Variants in NLGN1 observed in about 807,000 individuals in gnomAD.
NLGN1 encodes the protein neuroligin-1.
A neutral mutation model predicts 65.5 loss-of-function variants in NLGN1; 12 were observed. The ratio of observed to expected loss-of-function variants is 0.18; its 90% CI spans 0.12 to 0.30. The LOEUF (loss-of-function observed/expected upper bound fraction) is 0.30, where lower values mean the gene tolerates loss of function less well. NLGN1 is among the 10% of genes least tolerant of loss of function. The probability of loss-of-function intolerance (pLI) is 1.00; values close to 1 mark genes in which losing one functional copy is unlikely to be tolerated. For missense variants in NLGN1, 750 were observed against 1,007.1 expected, an observed-to-expected ratio of 0.74 and a Z score of 3.46; for synonymous variants, 350 against 359.5, an observed-to-expected ratio of 0.97 and a Z score of 0.30.
chr3:174,216,353 G>A (rs960433972), intron 4 of NLGN1, among the ~76,000 whole-genome samples: 6 of 152,086 alleles, frequency 3.9e-5, no homozygotes, highest in Admixed American at 1.3e-4. Context: ...ACAACATATG[G>A]TGACTTCTTG....
At chr3:173,939,666 C>G (rs552413336) in intron 4 of NLGN1, among the ~76,000 whole-genome samples, 1 of 152,028 alleles carries the variant, frequency 6.6e-6, no homozygotes, top group Non-Finnish European at 1.5e-5. Flanking sequence ...TCTTGTCTCA[C>G]TATAATAATA....
intron 4 of NLGN1, among the ~76,000 whole-genome samples, chr3:174,066,223 A>C (rs1738514445): frequency 6.6e-6 from 1 of 152,090 alleles, no homozygotes; most frequent in Non-Finnish European, 1.5e-5. Context: ...TTTCAGAGGA[A>C]GTTTATTTTC....
intron 4 of NLGN1, among the ~76,000 whole-genome samples, chr3:173,977,254 T>C (rs1306631730): frequency 2.0e-5 from 3 of 152,002 alleles, no homozygotes; most frequent in South Asian, 2.1e-4. Flanking sequence ...AAAATAACTT[T>C]CAGTTGAAAT....
intron 4 of NLGN1, among the ~76,000 whole-genome samples, chr3:174,163,992 T>C (rs1727049497): frequency 6.6e-6 from 1 of 152,016 alleles, no homozygotes; most frequent in South Asian, 2.1e-4. Flanking sequence ...TGTTTTAAGT[T>C]CTTTAGAAAT....
intron 3 of NLGN1, among the ~76,000 whole-genome samples, chr3:173,730,131 G>A (rs1376635045): frequency 5.3e-5 from 8 of 151,010 alleles, no homozygotes; most frequent in African/African-American, 1.9e-4. Flanking sequence ...GTGCATATAT[G>A]CTTATATATT....
At chr3:173,815,451 A>G (rs1179406700) in intron 4 of NLGN1, among the ~76,000 whole-genome samples, 1 of 151,834 alleles carries the variant, frequency 6.6e-6, no homozygotes, top group Non-Finnish European at 1.5e-5. Context: ...AAGATTCCCA[A>G]AGACCTCTAG....
At chr3:174,065,828 G>A (rs1362370039) in intron 4 of NLGN1, among the ~76,000 whole-genome samples, 1 of 152,024 alleles carries the variant, frequency 6.6e-6, no homozygotes, top group African/African-American at 2.4e-5. Context: ...CCTATGGAGA[G>A]GCCTATAAAG....
chr3:173,931,807 G>A (rs192401316), intron 4 of NLGN1, among the ~76,000 whole-genome samples: 1 of 152,114 alleles, frequency 6.6e-6, no homozygotes, highest in South Asian at 2.1e-4. Context: ...CCAGTTAAGA[G>A]ACTATTGTAA....
chr3:174,017,616 A>G (rs1009553114), intron 4 of NLGN1, among the ~76,000 whole-genome samples: 29 of 152,284 alleles, frequency 1.9e-4, no homozygotes, highest in African/African-American at 6.5e-4. Flanking sequence ...AGACTACAAA[A>G]GAGAGAAATT....
At chr3:174,043,574 A>G (rs984803371) in intron 4 of NLGN1, among the ~76,000 whole-genome samples, 1 of 152,212 alleles carries the variant, frequency 6.6e-6, no homozygotes, top group Non-Finnish European at 1.5e-5. Flanking sequence ...AAGGTTCCAG[A>G]ATGATCTCCT....
At chr3:174,074,980 TGGTCTTCCCAA>T (rs2152539700) in intron 4 of NLGN1, among the ~76,000 whole-genome samples, 1 of 152,304 alleles carries the variant, frequency 6.6e-6, no homozygotes, top group African/African-American at 2.4e-5. Context: ...CCACCACTCT[TGGTCTTCCCAA>T]GATTGTCTCA....
intron 4 of NLGN1, among the ~76,000 whole-genome samples, chr3:174,113,865 G>T (rs1270191668): frequency 1.3e-5 from 2 of 152,034 alleles, no homozygotes; most frequent in Non-Finnish European, 2.9e-5. Flanking sequence ...AATGTTCAAG[G>T]CTGACAATTG....
At chr3:173,983,294 A>G (rs373476181) in intron 4 of NLGN1, among the ~76,000 whole-genome samples, 11 of 152,302 alleles carry the variant, frequency 7.2e-5, no homozygotes, top group South Asian at 4.1e-4. Context: ...TGCAGATAGC[A>G]TAACTCCAGG....
At chr3:174,037,785 T>C (rs1251364244) in intron 4 of NLGN1, among the ~76,000 whole-genome samples, 1 of 152,168 alleles carries the variant, frequency 6.6e-6, no homozygotes, top group African/African-American at 2.4e-5. Flanking sequence ...AAAGAGAAAT[T>C]AAAGAGCCTT....
intron 4 of NLGN1, among the ~76,000 whole-genome samples, chr3:174,102,595 C>G (rs193027469): frequency 6.6e-6 from 1 of 152,224 alleles, no homozygotes; most frequent in East Asian, 1.9e-4. Flanking sequence ...AATAAAAACT[C>G]TTCTGGTTAA....
At chr3:174,101,058 A>G (rs1712343897) in intron 4 of NLGN1, among the ~76,000 whole-genome samples, 1 of 152,112 alleles carries the variant, frequency 6.6e-6, no homozygotes, top group Admixed American at 6.6e-5. Flanking sequence ...CAACTATGTG[A>G]TATCAACATA....
At chr3:173,892,973 A>T (rs551353400) in intron 4 of NLGN1, among the ~76,000 whole-genome samples, 1 of 152,282 alleles carries the variant, frequency 6.6e-6, no homozygotes, top group East Asian at 1.9e-4. Flanking sequence ...TATTATAACT[A>T]TGCATCTTCT....
At chr3:174,003,335 G>T (rs969782006) in intron 4 of NLGN1, among the ~76,000 whole-genome samples, 8 of 152,132 alleles carry the variant, frequency 5.3e-5, no homozygotes, top group Non-Finnish European at 4.4e-5. Context: ...CTGAAGCAAA[G>T]TTATTAAATC....
At chr3:173,785,837 T>G (rs1231575298) in intron 3 of NLGN1, among the ~76,000 whole-genome samples, 4 of 152,190 alleles carry the variant, frequency 2.6e-5, no homozygotes, top group African/African-American at 4.8e-5. Flanking sequence ...ACATTTGAGT[T>G]GAGCTTATAG....
Sources: allele counts gnomAD v4.1 joint callset (sites outside exome capture counted in the v4.1 genomes callset), GRCh38; gene constraint gnomAD v4.1.1; transcripts MANE v1.5; gene names NCBI Gene and HGNC (gene_info 2026-07-23, HGNC 2026-07-21).